Variants in ZNF570 observed in about 807,000 individuals in gnomAD.
ZNF570 encodes the protein zinc finger protein 570.
A neutral mutation model predicts 14.2 loss-of-function variants in ZNF570; 8 were observed. That is an observed-to-expected ratio of 0.56 (90% CI 0.33 to 1.02). The LOEUF (loss-of-function observed/expected upper bound fraction) is 1.02. Among genes scored for constraint, ZNF570 ranks in the 50% least tolerant of loss-of-function variants. The pLI, the probability that ZNF570 is intolerant of heterozygous loss-of-function variation, is 0.03. For synonymous variants in ZNF570, 202 were observed against 207.6 expected (o/e 0.97, Z 0.23); for missense variants, 559 against 624.9 (o/e 0.89, Z 1.12).
intron 4 of ZNF570, among the ~76,000 whole-genome samples, chr19:37,479,844 A>T (rs1467339253): frequency 6.6e-6 from 1 of 151,586 alleles, no homozygotes; most frequent in Non-Finnish European, 1.5e-5. Flanking sequence ...GTTTTTTCCT[A>T]CTCCTTTATT....
chr19:37,472,742 C>CA (rs34301870), intron 2 of ZNF570, among the ~76,000 whole-genome samples: 30,907 of 102,696 alleles, frequency 0.3, 4,454 homozygotes, highest in African/African-American at 0.41. Context: ...AACTTTGTCT[C>CA]AAAAAAAAAA....
chr19:37,472,122 G>T (rs953618737), intron 2 of ZNF570, among the ~76,000 whole-genome samples: 4 of 151,930 alleles, frequency 2.6e-5, no homozygotes, highest in African/African-American at 9.7e-5. Flanking sequence ...GGCCAGGATG[G>T]TCTCTATCTC....
At chr19:37,474,537 G>A (rs770244481) in intron 2 of ZNF570, among the ~76,000 whole-genome samples, 8 of 152,072 alleles carry the variant, frequency 5.3e-5, no homozygotes, top group Non-Finnish European at 8.8e-5. Flanking sequence ...TCAGCTCACC[G>A]CAACCTCTGC....
chr19:37,476,920 G>A (rs1436986474), intron 4 of ZNF570, among the ~76,000 whole-genome samples: 1 of 151,878 alleles, frequency 6.6e-6, no homozygotes, highest in Non-Finnish European at 1.5e-5. Flanking sequence ...ATGTTAGGCT[G>A]GTCTCAAACT....
intron 2 of ZNF570, among the ~76,000 whole-genome samples, chr19:37,473,401 G>A (rs1293649121): frequency 6.6e-6 from 1 of 152,132 alleles, no homozygotes; most frequent in East Asian, 1.9e-4. Flanking sequence ...CATATGCAGG[G>A]GGTGATTATA....
chr19:37,479,517 G>A (rs2042062590), intron 4 of ZNF570, among the ~76,000 whole-genome samples: 1 of 151,992 alleles, frequency 6.6e-6, no homozygotes. Context: ...CTCATTAACT[G>A]TGCTGGTCAA....
At chr19:37,474,925 C>T (rs1379556451) in intron 2 of ZNF570, among the ~76,000 whole-genome samples, 2 of 151,540 alleles carry the variant, frequency 1.3e-5, no homozygotes, top group Non-Finnish European at 2.9e-5. Context: ...AATCCAGTGG[C>T]ATCACAGCAG....
Position 37,484,989 on chromosome 19 carries a change from C to G in ZNF570, c.1367C>G (p.Ser456Cys). The G allele has an allele frequency of 1.2e-6, 2 of 1,613,838 alleles. No individual in the cohort carries two copies. Among genetic ancestry groups the G allele is most frequent in the Non-Finnish European group, 1.7e-6 (2 of 1,179,938 alleles). Residue 456 changes from serine (S) to cysteine (C), a missense_variant, in exon 5 of 5, where the codon TCC (serine) becomes TGC (cysteine). Coordinates refer to ENST00000330173, the MANE Select transcript of ZNF570 (RefSeq NM_144694.5). Reference sequence around the variant, plus strand: ...GGGAAGGCTTTTAGCAATGACTCGTCCCTTACTCAACATCAGCGAGTTCAT... The same window carrying G: ...GGGAAGGCTTTTAGCAATGACTCGTGCCTTACTCAACATCAGCGAGTTCAT... Reference protein sequence around the residue: ...ECGKAFSNDSSLTQHQRVHTG... With the variant: ...ECGKAFSNDSCLTQHQRVHTG...
intron 4 of ZNF570, among the ~76,000 whole-genome samples, chr19:37,481,309 C>T (rs376292983): frequency 2.6e-5 from 4 of 152,044 alleles, no homozygotes; most frequent in Admixed American, 6.6e-5. Context: ...CGTGCCACCA[C>T]GCCTGGCTAA....
chr19:37,481,755 C>T (rs978353877), intron 4 of ZNF570, among the ~76,000 whole-genome samples: 13 of 152,078 alleles, frequency 8.5e-5, no homozygotes, highest in African/African-American at 2.2e-4. Flanking sequence ...TTTCTTAAAA[C>T]TCCAGTTACA....
chr19:37,467,925 TTGTGAG>T, upstream of ZNF570: 1 of 1,536,126 alleles, frequency 6.5e-7, no homozygotes. Flanking sequence ...GACTTCTCGA[TTGTGAG>T]TGTGACAGTG....
chr19:37,476,144 G>A, intron 3 of ZNF570, 137 bp downstream of exon 3: 2 of 1,387,018 alleles, frequency 1.4e-6, no homozygotes, highest in Non-Finnish European at 1.9e-6. Context: ...CTTAGTGTTT[G>A]TGGATTTGGC....
At chr19:37,480,020 A>G (rs2042068712) in intron 4 of ZNF570, among the ~76,000 whole-genome samples, 2 of 152,134 alleles carry the variant, frequency 1.3e-5, no homozygotes, top group African/African-American at 2.4e-5. Flanking sequence ...ACTTTCTTTT[A>G]TAAATTGTGC....
At position 37,485,261 on chromosome 19, in the gene ZNF570, T is replaced by G. The variant is rs370044994; in HGVS notation, c.*28T>G. 46 of 1,511,078 alleles carry G rather than the reference T, an allele frequency of 3.0e-5. No individual in the cohort carries two copies. In the African/African-American group the frequency reaches 6.2e-4, roughly 20 times the overall value. 93.6% of individuals were successfully genotyped at this position (1,511,078 alleles called of 1,614,324 possible). On this transcript the variant is annotated 3_prime_UTR_variant, in exon 5 of 5. Coordinates refer to ENST00000330173, the MANE Select transcript of ZNF570 (RefSeq NM_144694.5). ...CCTGAGTCCTAAATGTTTCTAGAAT[T>G]TATACTGTTTTTTATCTTTAATGTT...
chr19:37,478,979 C>T (rs1009758309), intron 4 of ZNF570, among the ~76,000 whole-genome samples: 1 of 151,048 alleles, frequency 6.6e-6, no homozygotes, highest in Non-Finnish European at 1.5e-5. Context: ...TGTCAGATTT[C>T]GGAATCAAGG....
upstream of ZNF570, among the ~76,000 whole-genome samples, chr19:37,468,435 C>T (rs1272234443): frequency 1.3e-5 from 2 of 151,658 alleles, no homozygotes; most frequent in Non-Finnish European, 2.9e-5. Context: ...CGGTGGCTCA[C>T]GCCTGTGATC....
In ZNF570 at chr19:37,486,822, A is replaced by G. The variant is rs890853896; in HGVS notation, c.*1589A>G. On this transcript the variant is annotated 3_prime_UTR_variant, in exon 5 of 5. Coordinates refer to ENST00000330173, the MANE Select transcript of ZNF570 (RefSeq NM_144694.5). ...ATTCACTGGGAAGAATGCAGAACCT[A>G]CATTTAAATCAAGGAAGGAATAGAA... 6.6e-6 allele frequency: 1 copy of G among 152,216 alleles called. No homozygotes were observed. The highest frequency in any genetic ancestry group is 1.5e-5 in the Non-Finnish European group (1 of 68,042). The allele number at this position is 152,216 out of a possible 1,614,324, so 9.4% of individuals were successfully genotyped here. A position where few individuals can be genotyped will look rare whatever the true frequency, so the allele number is the denominator to read the frequency against.
intron 4 of ZNF570, among the ~76,000 whole-genome samples, chr19:37,482,965 C>G (rs142960285): frequency 6.6e-6 from 1 of 151,720 alleles, no homozygotes; most frequent in Non-Finnish European, 1.5e-5. Context: ...TTTCCCGAGG[C>G]CTTCTCAGCC....
chr19:37,483,155 T>G (rs2042107229), intron 4 of ZNF570, among the ~76,000 whole-genome samples: 1 of 152,184 alleles, frequency 6.6e-6, no homozygotes, highest in Non-Finnish European at 1.5e-5. Context: ...ACTCACTCTA[T>G]AGCCACACTG....
Sources: allele counts gnomAD v4.1 joint callset (sites outside exome capture counted in the v4.1 genomes callset), GRCh38; gene constraint gnomAD v4.1.1; transcripts MANE v1.5; gene names NCBI Gene and HGNC (gene_info 2026-07-23, HGNC 2026-07-21).